DNMT3A: variants seen among roughly 807,000 people sequenced by gnomAD.
DNMT3A encodes DNA methyltransferase 3 alpha.
In DNMT3A, 267 loss-of-function variants were observed where a neutral mutation model predicts 117.6. The ratio of observed to expected loss-of-function variants is 2.27; its 90% CI spans 2.05 to 2.51. DNMT3A has a LOEUF of 2.51. Ranked by LOEUF, DNMT3A falls within the 30% of genes most tolerant of loss-of-function variation. The pLI is 0.00. For synonymous variants in DNMT3A, 432 were observed against 474.8 expected, an observed-to-expected ratio of 0.91 and a Z score of 1.17; for missense variants, 1,029 against 1,260.2, an observed-to-expected ratio of 0.82 and a Z score of 2.78.
chr2:25,246,624 TG>T lies in DNMT3A; in HGVS notation c.1274del (p.Pro425GlnfsTer226). ...QPSGPKGLEP[P>X]EEEKNPYKEV... is the part of the protein sequence containing the mutation. ...AAGCTGGGTGCCCTCATTTACCTTC[TG>T]GTGGCTCCAGGCCCTTAGGGCCAGA... On this transcript the variant is annotated frameshift_variant, in exon 10 of 23. Coordinates refer to ENST00000321117, the MANE Select transcript of DNMT3A (RefSeq NM_022552.5). LOFTEE classifies it high-confidence loss of function. 1 of 1,609,876 alleles carries T rather than the reference TG, an allele frequency of 6.2e-7. No homozygotes were observed. Among genetic ancestry groups the T allele is most frequent in the Non-Finnish European group, 8.5e-7 (1 of 1,177,946 alleles).
intron 1 of DNMT3A, among the ~76,000 whole-genome samples, chr2:25,332,715 A>G (rs1358160453): frequency 6.6e-6 from 1 of 152,252 alleles, no homozygotes; most frequent in African/African-American, 2.4e-5. Context: ...CTGACTGCCC[A>G]GCCCCACTGG....
At position 25,311,480 on chromosome 2, in the gene DNMT3A, C is replaced by T. The variant is rs2034117271; in HGVS notation, c.72+2433G>A. Among the ~76,000 whole-genome samples, 1 of 152,078 alleles carries T rather than the reference C, an allele frequency of 6.6e-6. No individual in the cohort carries two copies. Among genetic ancestry groups the T allele is most frequent in the Non-Finnish European group, 1.5e-5 (1 of 67,992 alleles). On this transcript the variant is annotated intron_variant, in intron 2 of 22. Transcript: ENST00000321117. This position sits in a 1 kb window ranked among gnomAD's most constrained non-coding sequence, Gnocchi z 5.2. ...CCAGCATGCGTGGTGTAGGTGTGGGCGGCTGGGGAGGAGGCCTGGCTATGG... is the reference window on the plus strand; with the variant it reads ...CCAGCATGCGTGGTGTAGGTGTGGGTGGCTGGGGAGGAGGCCTGGCTATGG...
At chr2:25,276,873 C>T (rs1005485482) in intron 4 of DNMT3A, among the ~76,000 whole-genome samples, 1 of 152,266 alleles carries the variant, frequency 6.6e-6, no homozygotes, top group East Asian at 1.9e-4. Flanking sequence ...GGCTGTGAAG[C>T]GGAAGCCAGC....
rs2035345650 is a variant in DNMT3A, at chr2:25,339,888, G to C, written c.-178+1938C>G. 6.6e-6 allele frequency among the ~76,000 whole-genome samples: 1 copy of C among 152,250 alleles called. No homozygotes were observed. The highest frequency in any genetic ancestry group is 6.5e-5 in the Admixed American group (1 of 15,294). On this transcript the variant is annotated intron_variant, in intron 1 of 22. Transcript: ENST00000321117. The surrounding 1 kb of genome is among the most constrained non-coding windows in gnomAD (Gnocchi z 4.9). ...TGTCACATCTGCCCGCGAGGGAGGAGGCGACACTGGAGCAGCACCTGATCC... is the reference window on the plus strand; with the variant it reads ...TGTCACATCTGCCCGCGAGGGAGGACGCGACACTGGAGCAGCACCTGATCC...
chr2:25,254,662 T>C lies in DNMT3A; in HGVS notation c.640-6410A>G, dbSNP rs961116484. Among the ~76,000 whole-genome samples, 1 of 152,214 alleles carries C rather than the reference T, an allele frequency of 6.6e-6. No homozygotes were observed. The highest frequency in any genetic ancestry group is 1.5e-5 in the Non-Finnish European group (1 of 68,042). The stretch of plus-strand genomic sequence containing the variant: ...AGCATGACTTGCTTCGCTGCTTCTC[T>C]CACTGATACCTCTTCTGCATCCATG... On this transcript the variant is annotated intron_variant, in intron 6 of 22. Transcript: ENST00000321117. This position sits in a 1 kb window ranked among gnomAD's most constrained non-coding sequence, Gnocchi z 4.7.
Position 25,230,395 on chromosome 2 carries a change from CG to C in DNMT3A, c.*3883del, listed in dbSNP as rs1245672382. ...GGCTACCTCCCCCAGGCAAGAGCCACGGATCTCTTTGGCATCATGCGCCACC... is the reference window on the plus strand; with the variant it reads ...GGCTACCTCCCCCAGGCAAGAGCCACGATCTCTTTGGCATCATGCGCCACC... On this transcript the variant is annotated 3_prime_UTR_variant, in exon 23 of 23. Coordinates refer to ENST00000321117, the MANE Select transcript of DNMT3A (RefSeq NM_022552.5). 1 of 152,248 alleles carries C rather than the reference CG, an allele frequency of 6.6e-6. No homozygotes were observed. Among genetic ancestry groups the C allele is most frequent in the East Asian group, 1.9e-4 (1 of 5,178 alleles). The allele number at this position is 152,248 out of a possible 1,614,324, so 9.4% of individuals were successfully genotyped here.
chr2:25,233,621 C>G lies in DNMT3A; in HGVS notation c.*658G>C, dbSNP rs1442376426. 3 of 233,186 alleles carry G rather than the reference C, an allele frequency of 1.3e-5. No individual in the cohort carries two copies. The East Asian group carries it at 1.8e-4, about 14-fold the overall frequency. 14.4% of individuals were successfully genotyped at this position (233,186 alleles called of 1,614,324 possible). A position where few individuals can be genotyped will look rare whatever the true frequency, so the allele number is the denominator to read the frequency against. ...TCGTCTCCCTGCTGCTAACTGGGTT[C>G]TGTTTTGCGTGACCAGGAATGGTGC... On this transcript the variant is annotated 3_prime_UTR_variant, in exon 23 of 23. Transcript: ENST00000321117.
At chr2:25,331,815 C>T (rs2035022793) in intron 1 of DNMT3A, among the ~76,000 whole-genome samples, 1 of 152,140 alleles carries the variant, frequency 6.6e-6, no homozygotes, top group South Asian at 2.1e-4. Flanking sequence ...CTGGCTCAGC[C>T]TCCCCCTGGG....
chr2:25,276,975 G>A (rs1259527032), intron 4 of DNMT3A, among the ~76,000 whole-genome samples: 2 of 152,220 alleles, frequency 1.3e-5, no homozygotes, highest in African/African-American at 4.8e-5. Context: ...CTGACCCCGG[G>A]CGCCCAGGAC....
chr2:25,289,541 AGGCCTGCCTTG>A (rs1249401728), intron 3 of DNMT3A, among the ~76,000 whole-genome samples: 1 of 152,148 alleles, frequency 6.6e-6, no homozygotes, highest in Non-Finnish European at 1.5e-5. Context: ...CGCTTTTCTG[AGGCCTGCCTTG>A]GGTCACACGC....
intron 6 of DNMT3A, among the ~76,000 whole-genome samples, chr2:25,261,031 C>T (rs1410148654): frequency 1.3e-5 from 2 of 151,812 alleles, no homozygotes; most frequent in African/African-American, 2.4e-5. Flanking sequence ...TGATGGCTCA[C>T]GCCTGTAATT....
intron 1 of DNMT3A, among the ~76,000 whole-genome samples, chr2:25,335,194 C>T (rs946387569): frequency 1.3e-5 from 2 of 152,178 alleles, no homozygotes; most frequent in African/African-American, 4.8e-5. Flanking sequence ...AGAACAGACT[C>T]GCCTACCACC....
Position 25,304,894 on chromosome 2 carries a change from C to G in DNMT3A, c.73-4651G>C, listed in dbSNP as rs922096993. 3.9e-5 allele frequency among the ~76,000 whole-genome samples: 6 copies of G among 152,232 alleles called. No individual in the cohort carries two copies. The highest frequency in any genetic ancestry group is 2.1e-4 in the South Asian group (1 of 4,832). The stretch of plus-strand genomic sequence containing the variant: ...CTATCCTGGATTCCCTGCCCCTAGG[C>G]CCCCTCCTCCCATCCCCTGCCTAGA... On this transcript the variant is annotated intron_variant, in intron 2 of 22. Transcript: ENST00000321117. This position sits in a 1 kb window ranked among gnomAD's most constrained non-coding sequence, Gnocchi z 4.3.
rs960808001 is a variant in DNMT3A at position 25,232,988 on chromosome 2, G to GT, written c.*1290dup. ...AGGAAAGCACCAGTACGTTTTGTAT[G>GT]TTTTTTTATTTGCTCCAGGTGGGGT... On this transcript the variant is annotated 3_prime_UTR_variant, in exon 23 of 23. Transcript: ENST00000321117. This position sits in a 1 kb window ranked among gnomAD's most constrained non-coding sequence, Gnocchi z 4.1. The GT allele has an allele frequency of 8.6e-6, 2 of 233,070 alleles. No homozygotes were observed. The highest frequency in any genetic ancestry group is 1.8e-4 in the South Asian group (1 of 5,520). The allele number at this position is 233,070 out of a possible 1,614,324, so 14.4% of individuals were successfully genotyped here.
At position 25,296,800 on chromosome 2, in the gene DNMT3A, C is replaced by T. The variant is rs2033117889; in HGVS notation, c.177+3339G>A. On this transcript the variant is annotated intron_variant, in intron 3 of 22. Transcript: ENST00000321117. This position sits in a 1 kb window ranked among gnomAD's most constrained non-coding sequence, Gnocchi z 4.2. ...CCTTGGGGGCAAAAGGAGGAGAGAG[C>T]CCAGGATTTCTTGGGCTTGGGGGTG... is the stretch of plus-strand genomic sequence containing the variant. Among the ~76,000 whole-genome samples, 1 of 152,176 alleles carries T rather than the reference C, an allele frequency of 6.6e-6. No homozygotes were observed.
Position 25,246,157 on chromosome 2 carries a change from T to A in DNMT3A, c.1429+3A>T. ...CCACCCTCTCCAGAAGCAGGCCAAC[T>A]ACCTCTTGTGCGCTCATCAATAATC... is the stretch of plus-strand genomic sequence containing the variant. On this transcript the variant is annotated splice_donor_region_variant and intron_variant, in intron 11 of 22. Coordinates refer to ENST00000321117, the MANE Select transcript of DNMT3A (RefSeq NM_022552.5). The A allele has an allele frequency of 6.2e-7, 1 of 1,614,086 alleles. No individual in the cohort carries two copies. The highest frequency in any genetic ancestry group is 1.7e-5 in the Admixed American group (1 of 60,022).
intron 6 of DNMT3A, among the ~76,000 whole-genome samples, chr2:25,259,339 C>G (rs1236975487): frequency 6.6e-6 from 1 of 152,150 alleles, no homozygotes; most frequent in Non-Finnish European, 1.5e-5. Flanking sequence ...CCACTGATAC[C>G]GGATCTCAGG....
At chr2:25,299,119 A>AGGG (rs199768592) in intron 3 of DNMT3A, among the ~76,000 whole-genome samples, 4 of 152,174 alleles carry the variant, frequency 2.6e-5, no homozygotes, top group African/African-American at 9.7e-5. Context: ...CTCAGCTGGA[A>AGGG]GGGGGGTAAA....
chr2:25,290,524 G>A (rs2032675204), intron 3 of DNMT3A, among the ~76,000 whole-genome samples: 1 of 152,130 alleles, frequency 6.6e-6, no homozygotes, highest in Admixed American at 6.5e-5. Context: ...GTTTCGCCAT[G>A]TTGGCCATGC....
Sources: gnomAD v4.1 joint callset for allele counts (sites outside exome capture counted in the v4.1 genomes callset) on GRCh38, gnomAD v4.1.1 for gene constraint, Gnocchi (gnomAD v3.1) non-coding constraint, MANE v1.5 for transcripts, NCBI Gene and HGNC (gene_info 2026-07-23, HGNC 2026-07-21) for gene names.